The following IGF2R variants were observed in gnomAD, a reference collection of about 807,000 sequenced individuals.
IGF2R encodes insulin like growth factor 2 receptor, also known as cation-independent mannose-6-phosphate receptor.
Under a neutral mutation model 270.6 loss-of-function variants are expected in IGF2R, and 91 were observed. The observed-to-expected ratio is 0.34, with a 90% CI of 0.28 to 0.40. The LOEUF is 0.40. IGF2R is among the 10% of genes least tolerant of loss of function. The pLI, the probability that IGF2R is intolerant of heterozygous loss-of-function variation, is 1.00. For synonymous variants in IGF2R, 1,316 were observed against 1,258.9 expected, an observed-to-expected ratio of 1.05 and a Z score of -0.96; for missense variants, 2,805 against 3,188.3, an observed-to-expected ratio of 0.88 and a Z score of 2.90.
intron 44 of IGF2R, chr6:160,094,316 G>A (rs1779298680): frequency 3.8e-6 from 1 of 264,250 alleles, no homozygotes; most frequent in Non-Finnish European, 7.5e-6. Flanking sequence ...AGGGAATCCT[G>A]CCGAGGAACA....
At chr6:160,054,912 G>A (rs1039829033) in intron 19 of IGF2R, among the ~76,000 whole-genome samples, 3 of 152,158 alleles carry the variant, frequency 2.0e-5, no homozygotes, top group African/African-American at 4.8e-5. Flanking sequence ...AGCAGGATGC[G>A]TTCTTTCCCT....
At chr6:159,989,787 A>T (rs1297708977) in intron 1 of IGF2R, among the ~76,000 whole-genome samples, 2 of 151,986 alleles carry the variant, frequency 1.3e-5, no homozygotes, top group Non-Finnish European at 2.9e-5. Context: ...TTCTGTTTTT[A>T]CTCCTGCTGA....
intron 1 of IGF2R, among the ~76,000 whole-genome samples, chr6:159,986,049 G>A (rs1783877844): frequency 6.6e-6 from 1 of 152,084 alleles, no homozygotes; most frequent in South Asian, 2.1e-4. Flanking sequence ...AGGGATCCTG[G>A]GTTGTTTCCA....
chr6:160,030,186 G>A lies in IGF2R; in HGVS notation c.882+531G>A, dbSNP rs79887486. Among the ~76,000 whole-genome samples the A allele has an allele frequency of 1.5e-3, 235 of 152,308 alleles. 6 individuals are homozygous for A. The East Asian group carries it at 0.039, about 25-fold the overall frequency. ...CAGCGCAGCTGTAAACTCTTCGAGT[G>A]TGGCTGCTGAGACTTACTTGTCCTT... On this transcript the variant is annotated intron_variant, in intron 7 of 47. Transcript: ENST00000356956.
At chr6:160,010,397 A>G in intron 3 of IGF2R, 2 of 255,764 alleles carry the variant, frequency 7.8e-6, no homozygotes, top group Non-Finnish European at 1.5e-5. Context: ...GAGGAGAATG[A>G]CTGAGGATTT....
chr6:160,026,908 A>G (rs1369314915), intron 5 of IGF2R, among the ~76,000 whole-genome samples: 1 of 152,066 alleles, frequency 6.6e-6, no homozygotes, highest in Non-Finnish European at 1.5e-5. Context: ...ATGTTGTTGT[A>G]CCTCAAGCAG....
rs1307882499 is a variant in IGF2R at position 160,064,874 on chromosome 6, C to G, written c.4088C>G (p.Pro1363Arg). ...TGGCGAACGCAGTATGCCTGCCCAC[C>G]TTTCGATCTGACTGAATGTTCATTC... ...FEWRTQYACP[P>R]FDLTECSFKD... is the part of the protein sequence containing the mutation. The change falls in exon 29 of 48, where the codon CCT (proline) becomes CGT (arginine). Residue 1363 changes from proline (P) to arginine (R), a missense_variant. Pro to Arg is a moderately radical substitution (Grantham distance 103, BLOSUM62 -2). This residue lies in a region of IGF2R where 1,851 missense variants were observed against 2,207.2 expected (regional missense o/e 0.84). Coordinates refer to ENST00000356956, the MANE Select transcript of IGF2R (RefSeq NM_000876.4). 6.2e-7 allele frequency: 1 copy of G among 1,612,336 alleles called. No homozygotes were observed. Among genetic ancestry groups the G allele is most frequent in the East Asian group, 2.2e-5 (1 of 44,882 alleles).
Position 160,084,859 on chromosome 6 carries a change from A to T in IGF2R, c.6069-136A>T. 1.3e-6 allele frequency: 1 copy of T among 786,462 alleles called. No homozygotes were observed. The highest frequency in any genetic ancestry group is 2.0e-6 in the Non-Finnish European group (1 of 497,094). 48.7% of individuals were successfully genotyped at this position (786,462 alleles called of 1,614,324 possible). Reference sequence around the variant, plus strand: ...TTTTTTTAATTGGAAAAGCTATTTTAGTGCTACATTCAGTGATGGAATGGA... The same window carrying T: ...TTTTTTTAATTGGAAAAGCTATTTTTGTGCTACATTCAGTGATGGAATGGA... On this transcript the variant is annotated intron_variant, in intron 40 of 47. Transcript: ENST00000356956. This position sits in a 1 kb window ranked among gnomAD's most constrained non-coding sequence, Gnocchi z 4.6.
chr6:159,977,989 T>C (rs1393275978), intron 1 of IGF2R, among the ~76,000 whole-genome samples: 4 of 152,132 alleles, frequency 2.6e-5, no homozygotes, highest in African/African-American at 9.7e-5. Context: ...TCGGTGTTCA[T>C]TGGTGCTGTA....
rs561532208 is a variant in IGF2R at position 160,049,587 on chromosome 6, G to A, written c.2515-886G>A. On this transcript the variant is annotated intron_variant, in intron 18 of 47. Transcript: ENST00000356956. ...GATGCTCCAGAGCTGGAACTTCCGC[G>A]CTGCACTGCCTGGTAAGGTCTCCCT... is the stretch of plus-strand genomic sequence containing the variant. Among the ~76,000 whole-genome samples, 8 of 152,292 alleles carry A rather than the reference G, an allele frequency of 5.3e-5. No individual in the cohort carries two copies. The South Asian group carries it at 1.2e-3, about 24-fold the overall frequency.
chr6:160,055,365 TA>T lies in IGF2R; in HGVS notation c.2695-1058del, dbSNP rs1398494872. 2.0e-5 allele frequency among the ~76,000 whole-genome samples: 3 copies of T among 152,152 alleles called. No homozygotes were observed. The East Asian group carries it at 5.8e-4, about 29-fold the overall frequency. ...CTTTTCTGTGATACCATATTTAGTT[TA>T]CAGGGTAGCTTCACATTGTTGTCGT... On this transcript the variant is annotated intron_variant, in intron 19 of 47. Coordinates refer to ENST00000356956, the MANE Select transcript of IGF2R (RefSeq NM_000876.4).
Position 159,969,342 on chromosome 6 carries a change from C to T in IGF2R, c.96C>T (p.Val32=). ...SLLLLQLLLL[V]AAPGSTQAQA... ...TCCTGCTGCAGCTGCTGCTGCTCGTCGCTGCCCCGGGGTCCACGCAGGCCC... is the reference window on the plus strand; with the variant it reads ...TCCTGCTGCAGCTGCTGCTGCTCGTTGCTGCCCCGGGGTCCACGCAGGCCC... Residue 32 remains valine (V), a synonymous_variant, in exon 1 of 48, where the codon GTC becomes GTT. Coordinates refer to ENST00000356956, the MANE Select transcript of IGF2R (RefSeq NM_000876.4). 5 of 1,314,904 alleles carry T rather than the reference C, an allele frequency of 3.8e-6. No homozygotes were observed. Among genetic ancestry groups the T allele is most frequent in the Non-Finnish European group, 4.9e-6 (5 of 1,028,272 alleles). 81.5% of individuals were successfully genotyped at this position (1,314,904 alleles called of 1,614,324 possible).
chr6:160,018,593 T>G (rs1777358943), intron 4 of IGF2R, among the ~76,000 whole-genome samples: 1 of 152,026 alleles, frequency 6.6e-6, no homozygotes, highest in Admixed American at 6.5e-5. Context: ...CTCAATAAAT[T>G]GAAAAAAACC....
chr6:160,064,778 A>C, intron 28 of IGF2R, 26 bp from the exon 29 acceptor site: 1 of 1,481,456 alleles, frequency 6.8e-7, no homozygotes, highest in Non-Finnish European at 9.4e-7. Context: ...TCTCACTTTT[A>C]TATATGTGCC....
Position 160,073,936 on chromosome 6 carries a change from A to G in IGF2R, c.5127A>G (p.Gly1709=), listed in dbSNP as rs1416805834. The change falls in exon 35 of 48, where the codon GGA becomes GGG. Residue 1709 remains glycine (G), a synonymous_variant. Coordinates refer to ENST00000356956, the MANE Select transcript of IGF2R (RefSeq NM_000876.4). ...TGCACGGAGTGCCCTGTCCTGCCGG[A>G]GCCGCTGTGTGCAAAGTTCCTATTG... The part of the protein sequence containing the change: ...NPMHGVPCPA[G]AAVCKVPIDG... 8 of 1,614,046 alleles carry G rather than the reference A, an allele frequency of 5.0e-6. No homozygotes were observed. In the Admixed American group the frequency reaches 1.2e-4, roughly 24 times the overall value.
At chr6:159,986,440 T>G (rs1040462675) in intron 1 of IGF2R, among the ~76,000 whole-genome samples, 16 of 141,884 alleles carry the variant, frequency 1.1e-4, no homozygotes, top group African/African-American at 4.0e-4. Flanking sequence ...GTTTTTTTTT[T>G]TTTTTTAAGT....
intron 1 of IGF2R, among the ~76,000 whole-genome samples, chr6:159,990,726 T>C (rs1783965217): frequency 6.6e-6 from 1 of 152,190 alleles, no homozygotes; most frequent in African/African-American, 2.4e-5. Context: ...GTCTCCCAGG[T>C]TGAAGCAGTT....
intron 4 of IGF2R, among the ~76,000 whole-genome samples, chr6:160,021,374 A>G (rs1777430389): frequency 6.9e-6 from 1 of 145,178 alleles, no homozygotes; most frequent in African/African-American, 2.6e-5. Context: ...GTTCTCACTC[A>G]TAGGTGGGAA....
Position 160,073,260 on chromosome 6 carries a change from A to C in IGF2R, c.4738A>C (p.Arg1580=). The C allele has an allele frequency of 1.2e-6, 2 of 1,614,234 alleles. No individual in the cohort carries two copies. The highest frequency in any genetic ancestry group is 3.3e-4 in the Middle Eastern group (2 of 6,062). Residue 1580 remains arginine, a synonymous_variant, in exon 34 of 48, where the codon AGG becomes CGG. Coordinates refer to ENST00000356956, the MANE Select transcript of IGF2R (RefSeq NM_000876.4). ...GATTAGCGTGGGCAAGGCCAACAAG[A>C]GGCTGAGATACGTGGACCAGGTCCT... ...TRISVGKANK[R]LRYVDQVLQL... is the part of the protein sequence containing the mutation.
Sources: allele counts gnomAD v4.1 joint callset (sites outside exome capture counted in the v4.1 genomes callset), GRCh38; gene constraint gnomAD v4.1.1; regional missense constraint gnomAD v4.1.1; non-coding constraint Gnocchi (gnomAD v3.1); transcripts MANE v1.5; gene names NCBI Gene and HGNC (gene_info 2026-07-23, HGNC 2026-07-21).